Variants in ADGRV1 observed in about 807,000 individuals in gnomAD.
ADGRV1 encodes the protein G-protein coupled receptor 98.
Under a neutral mutation model 596.2 loss-of-function variants are expected in ADGRV1, and 359 were observed. The ratio of observed to expected loss-of-function variants is 0.60; its 90% CI spans 0.55 to 0.66. The LOEUF (loss-of-function observed/expected upper bound fraction) is 0.66, where lower values mean the gene tolerates loss of function less well. ADGRV1 is among the 30% of genes least tolerant of loss of function. The pLI is 0.00. For synonymous variants in ADGRV1, 2,681 were observed against 2,679.2 expected, an observed-to-expected ratio of 1.00 and a Z score of -0.02; for missense variants, 7,274 against 7,575.6, an observed-to-expected ratio of 0.96 and a Z score of 1.48.
chr5:90,730,392 A>G (rs920139882), intron 50 of ADGRV1, among the ~76,000 whole-genome samples: 1 of 152,226 alleles, frequency 6.6e-6, no homozygotes, highest in African/African-American at 2.4e-5. Context: ...GTGACATTAA[A>G]TATATATTTT....
chr5:90,849,118 G>GA (rs71964707), intron 79 of ADGRV1, among the ~76,000 whole-genome samples: 13 of 150,462 alleles, frequency 8.6e-5, no homozygotes, highest in Middle Eastern at 3.4e-3. Flanking sequence ...ATTCTGAATA[G>GA]AAAAAAAAAG....
chr5:90,640,341 T>C (rs1766804667), intron 11 of ADGRV1, among the ~76,000 whole-genome samples: 1 of 152,216 alleles, frequency 6.6e-6, no homozygotes, highest in Admixed American at 6.5e-5. Flanking sequence ...GTGCAAATGA[T>C]ATAGGTATAG....
chr5:90,980,922 A>G (rs1006149425), intron 84 of ADGRV1, among the ~76,000 whole-genome samples: 1 of 152,214 alleles, frequency 6.6e-6, no homozygotes, highest in African/African-American at 2.4e-5. Context: ...ATATCGTTTT[A>G]TTGTAACATT....
At chr5:91,104,818 A>G (rs1791701571) in intron 87 of ADGRV1, among the ~76,000 whole-genome samples, 1 of 151,420 alleles carries the variant, frequency 6.6e-6, no homozygotes, top group Non-Finnish European at 1.5e-5. Context: ...CAAAAACTGC[A>G]GTTACATTTG....
At chr5:90,582,525 T>G (rs1391280969) in intron 1 of ADGRV1, among the ~76,000 whole-genome samples, 1 of 152,170 alleles carries the variant, frequency 6.6e-6, no homozygotes, top group East Asian at 1.9e-4. Flanking sequence ...CTGGTCTTTT[T>G]AATTTTCTGT....
At chr5:90,924,498 TTTG>T (rs1459506941) in intron 83 of ADGRV1, among the ~76,000 whole-genome samples, 1 of 151,532 alleles carries the variant, frequency 6.6e-6, no homozygotes, top group Non-Finnish European at 1.5e-5. Flanking sequence ...TTCTTGTAAA[TTTG>T]TTTTGAGTTC....
At position 90,691,030 on chromosome 5, in the gene ADGRV1, G is replaced by T; in HGVS notation, c.6940G>T (p.Glu2314Ter). The change falls in exon 31 of 90, where the codon GAG becomes TAG. Residue 2314 changes from glutamate to a stop codon, truncating the protein, a stop_gained. Coordinates refer to ENST00000405460, the MANE Select transcript of ADGRV1 (RefSeq NM_032119.4). LOFTEE classifies it high-confidence loss of function. ...LLEVLADDVP[E>*]IEEVIQVQLT... ...AGAGGTCCTGGCTGACGACGTTCCGGAGATTGAAGAGGTGAGAGGACTGGC... is the reference window on the plus strand; with the variant it reads ...AGAGGTCCTGGCTGACGACGTTCCGTAGATTGAAGAGGTGAGAGGACTGGC... The T allele has an allele frequency of 6.2e-7, 1 of 1,613,574 alleles. No homozygotes were observed. The highest frequency in any genetic ancestry group is 8.5e-7 in the Non-Finnish European group (1 of 1,179,614).
At chr5:90,851,104 T>TGG (rs1766444624) in intron 79 of ADGRV1, among the ~76,000 whole-genome samples, 1 of 78,768 alleles carries the variant, frequency 1.3e-5, no homozygotes, top group Non-Finnish European at 2.6e-5. Context: ...CTAGGTAGGG[T>TGG]GTGTGTGTGT....
intron 83 of ADGRV1, among the ~76,000 whole-genome samples, chr5:90,954,423 G>A (rs1193212868): frequency 1.3e-5 from 2 of 151,894 alleles, no homozygotes; most frequent in Non-Finnish European, 2.9e-5. Flanking sequence ...TGCTTTTTAG[G>A]CATGCCATAC....
At chr5:91,037,157 T>C (rs1281087389) in intron 85 of ADGRV1, among the ~76,000 whole-genome samples, 6 of 152,208 alleles carry the variant, frequency 3.9e-5, no homozygotes, top group Admixed American at 3.9e-4. Context: ...TTGCTGTGCA[T>C]GCAGTGGACT....
At chr5:90,700,707 G>A (rs1311624274) in intron 34 of ADGRV1, among the ~76,000 whole-genome samples, 1 of 152,072 alleles carries the variant, frequency 6.6e-6, no homozygotes, top group Non-Finnish European at 1.5e-5. Context: ...ATTCTTTAAA[G>A]AAATATATAG....
intron 85 of ADGRV1, among the ~76,000 whole-genome samples, chr5:90,998,549 G>A (rs1415123399): frequency 6.6e-6 from 1 of 151,762 alleles, no homozygotes; most frequent in Non-Finnish European, 1.5e-5. Flanking sequence ...ACAGACTTCT[G>A]AACTATTTCT....
At chr5:91,063,654 A>G (rs977943744) in intron 85 of ADGRV1, among the ~76,000 whole-genome samples, 6 of 152,222 alleles carry the variant, frequency 3.9e-5, no homozygotes, top group Non-Finnish European at 7.3e-5. Context: ...TAACTCCAAG[A>G]ACAGTTTTTA....
intron 78 of ADGRV1, among the ~76,000 whole-genome samples, chr5:90,843,583 C>T (rs973414336): frequency 3.3e-5 from 5 of 152,204 alleles, no homozygotes; most frequent in African/African-American, 4.8e-5. Context: ...GTCATTTCAT[C>T]GTTTTAGTTT....
chr5:90,722,342 G>A (rs1267484003), intron 45 of ADGRV1, among the ~76,000 whole-genome samples: 1 of 151,982 alleles, frequency 6.6e-6, no homozygotes, highest in African/African-American at 2.4e-5. Context: ...TTAGTAAGGG[G>A]AGTAAAATAA....
intron 78 of ADGRV1, among the ~76,000 whole-genome samples, chr5:90,842,729 T>C (rs1305665978): frequency 6.6e-6 from 1 of 151,824 alleles, no homozygotes; most frequent in Non-Finnish European, 1.5e-5. Context: ...AAAAAAAAAA[T>C]TGTAAAATCA....
intron 87 of ADGRV1, among the ~76,000 whole-genome samples, chr5:91,118,522 G>A (rs1415242464): frequency 6.6e-6 from 1 of 152,108 alleles, no homozygotes; most frequent in African/African-American, 2.4e-5. Context: ...CCATTATCAC[G>A]GATGCTTTTG....
rs903771398 is a variant in ADGRV1, at chr5:91,049,530, C to T, written c.18153-22917C>T. ...ATGATTAAATACTTAACTAAATACA[C>T]GAATTTTACACTAAATGGCCATACC... On this transcript the variant is annotated intron_variant, in intron 85 of 89. Coordinates refer to ENST00000405460, the MANE Select transcript of ADGRV1 (RefSeq NM_032119.4). 8.5e-5 allele frequency among the ~76,000 whole-genome samples: 13 copies of T among 152,254 alleles called. No individual in the cohort carries two copies. In the East Asian group the frequency reaches 1.3e-3, roughly 16 times the overall value.
At chr5:90,822,925 C>CTT (rs1339459692) in intron 75 of ADGRV1, among the ~76,000 whole-genome samples, 1 of 152,094 alleles carries the variant, frequency 6.6e-6, no homozygotes, top group African/African-American at 2.4e-5. Context: ...ATTTGGCTCT[C>CTT]TGTTTGTCTG....
Sources: gnomAD v4.1 joint callset for allele counts (sites outside exome capture counted in the v4.1 genomes callset) on GRCh38, gnomAD v4.1.1 for gene constraint, MANE v1.5 for transcripts, NCBI Gene and HGNC (gene_info 2026-07-23, HGNC 2026-07-21) for gene names.